Variants in NRXN2 observed in about 807,000 individuals in gnomAD.
NRXN2 encodes the protein neurexin-2-beta.
A neutral mutation model predicts 128.8 loss-of-function variants in NRXN2; 29 were observed. The observed-to-expected ratio is 0.23, with a 90% CI of 0.17 to 0.31. The LOEUF (loss-of-function observed/expected upper bound fraction) is 0.31. Among genes scored for constraint, NRXN2 ranks in the 10% least tolerant of loss-of-function variants. The pLI is 1.00. For synonymous variants in NRXN2, 1,098 were observed against 1,075.2 expected, an observed-to-expected ratio of 1.02 and a Z score of -0.41; for missense variants, 1,881 against 2,452.6, an observed-to-expected ratio of 0.77 and a Z score of 4.92.
chr11:64,626,387 G>A, intron 20 of NRXN2, 76 bp downstream of exon 20: 1 of 1,223,056 alleles, frequency 8.2e-7, no homozygotes, highest in Non-Finnish European at 1.2e-6. Flanking sequence ...GCACGGAGGG[G>A]GAAAGAGAGA....
At chr11:64,615,830 GT>G in intron 22 of NRXN2, among the ~76,000 whole-genome samples, 1 of 61,216 alleles carries the variant, frequency 1.6e-5, no homozygotes, top group Non-Finnish European at 4.1e-5. Flanking sequence ...AGGCCCAAGC[GT>G]GTGTGTGTGT....
In NRXN2 at chr11:64,635,519, G is replaced by A; in HGVS notation, c.3404-67C>T. ...GGAGGACGAGGTCAGCAGGTCCTCA[G>A]GGTTGTGACCAGAGGGATGGAACCC... On this transcript the variant is annotated intron_variant, in intron 17 of 22. Coordinates refer to ENST00000265459, the MANE Select transcript of NRXN2 (RefSeq NM_015080.4). This position sits in a 1 kb window ranked among gnomAD's most constrained non-coding sequence, Gnocchi z 4.8. 3 of 1,551,606 alleles carry A rather than the reference G, an allele frequency of 1.9e-6. No individual in the cohort carries two copies. The highest frequency in any genetic ancestry group is 2.6e-6 in the Non-Finnish European group (3 of 1,134,380).
intron 5 of NRXN2, 77 bp downstream of exon 5, chr11:64,690,328 G>T: frequency 2.2e-6 from 3 of 1,334,044 alleles, no homozygotes; most frequent in South Asian, 1.2e-5. Context: ...GCGTTGACTT[G>T]GCTTCCCCCC....
intron 17 of NRXN2, among the ~76,000 whole-genome samples, chr11:64,639,629 T>G (rs2045351823): frequency 6.6e-6 from 1 of 151,560 alleles, no homozygotes. Context: ...CAGACAGACA[T>G]CAGGTACAGG....
chr11:64,664,269 G>A (rs1370117090), intron 9 of NRXN2, among the ~76,000 whole-genome samples: 1 of 151,740 alleles, frequency 6.6e-6, no homozygotes, highest in Non-Finnish European at 1.5e-5. Flanking sequence ...TTGAGGTCAG[G>A]AGTTCAAGAC....
chr11:64,700,834 G>C (rs1436099589), intron 2 of NRXN2, among the ~76,000 whole-genome samples: 1 of 152,148 alleles, frequency 6.6e-6, no homozygotes, highest in Admixed American at 6.5e-5. Context: ...CTGTCTCTGA[G>C]TGTCTCATGG....
intron 3 of NRXN2, among the ~76,000 whole-genome samples, chr11:64,693,826 CT>C (rs1200297957): frequency 2.6e-5 from 4 of 152,160 alleles, no homozygotes; most frequent in Non-Finnish European, 5.9e-5. Flanking sequence ...GGAAGCCCAG[CT>C]CTCTGAAAGG....
At chr11:64,676,909 G>A (rs905518041) in intron 7 of NRXN2, 84 bp downstream of exon 7, 2 of 1,125,192 alleles carry the variant, frequency 1.8e-6, no homozygotes, top group African/African-American at 1.5e-5. Context: ...AACCAAACAG[G>A]GAGAGGAAAC....
In NRXN2 at chr11:64,607,489, C is replaced by A; in HGVS notation, c.4846G>T (p.Gly1616Trp). Reference protein sequence around the residue: ...FPHLPTANPTGPGERGPPGAV... With the variant: ...FPHLPTANPTWPGERGPPGAV... The stretch of plus-strand genomic sequence containing the variant: ...CCCGGCGGGCCCCGCTCCCCAGGCC[C>A]TGTGGGGTTGGCTGTGGGCAGATGG... Residue 1616 changes from glycine (G) to tryptophan (W), a missense_variant, in exon 23 of 23, where the codon GGG (glycine) becomes TGG (tryptophan). Coordinates refer to ENST00000265459, the MANE Select transcript of NRXN2 (RefSeq NM_015080.4). The A allele has an allele frequency of 6.2e-7, 1 of 1,603,124 alleles. No homozygotes were observed. The highest frequency in any genetic ancestry group is 8.5e-7 in the Non-Finnish European group (1 of 1,177,058).
intron 17 of NRXN2, among the ~76,000 whole-genome samples, chr11:64,641,002 A>G (rs1232493148): frequency 1.3e-5 from 2 of 152,094 alleles, no homozygotes; most frequent in African/African-American, 4.8e-5. Context: ...AGAAACAGGA[A>G]GTGATGAGGG....
At chr11:64,610,100 C>A (rs2040388322) in intron 22 of NRXN2, among the ~76,000 whole-genome samples, 1 of 152,134 alleles carries the variant, frequency 6.6e-6, no homozygotes, top group Non-Finnish European at 1.5e-5. Context: ...TGTCCTTGGC[C>A]ACGCCAGCCA....
rs184103431 is a variant in NRXN2 at position 64,641,231 on chromosome 11, G to A, written c.3404-5779C>T. On this transcript the variant is annotated intron_variant, in intron 17 of 22. Transcript: ENST00000265459. Reference sequence around the variant, plus strand: ...GTGAGGTGTTGAGAGCACAGGGATGGGATGAGATGGGACAGGATGGGATGG... The same window carrying A: ...GTGAGGTGTTGAGAGCACAGGGATGAGATGAGATGGGACAGGATGGGATGG... 2.8e-3 allele frequency among the ~76,000 whole-genome samples: 420 copies of A among 152,158 alleles called. 2 individuals are homozygous for A. Among genetic ancestry groups the A allele is most frequent in the Non-Finnish European group, 3.8e-3 (258 of 67,992 alleles).
At chr11:64,710,784 T>C (rs1273458282) in intron 2 of NRXN2, among the ~76,000 whole-genome samples, 4 of 152,126 alleles carry the variant, frequency 2.6e-5, no homozygotes, top group African/African-American at 7.2e-5. Context: ...TGGGAACTAC[T>C]CACTCTACTA....
intron 19 of NRXN2, among the ~76,000 whole-genome samples, chr11:64,627,936 A>G (rs1271941473): frequency 6.6e-6 from 1 of 152,154 alleles, no homozygotes; most frequent in African/African-American, 2.4e-5. Flanking sequence ...CCATGAAGGT[A>G]CACACGATGT....
intron 6 of NRXN2, among the ~76,000 whole-genome samples, chr11:64,683,386 A>G (rs1372594352): frequency 6.6e-6 from 1 of 152,166 alleles, no homozygotes; most frequent in East Asian, 1.9e-4. Flanking sequence ...TTGGGAGGCC[A>G]AGGCAGGAGG....
In NRXN2 at chr11:64,685,814, C is replaced by T. The variant is rs2052958279; in HGVS notation, c.984G>A (p.Leu328=). 1 of 1,614,262 alleles carries T rather than the reference C, an allele frequency of 6.2e-7. No homozygotes were observed. The highest frequency in any genetic ancestry group is 1.3e-5 in the African/African-American group (1 of 75,068). Residue 328 remains leucine, a synonymous_variant, in exon 6 of 23, where the codon CTG becomes CTA. Coordinates refer to ENST00000265459, the MANE Select transcript of NRXN2 (RefSeq NM_015080.4). ...CGTAGTCGGCCGACTTGCCTGTATG[C>T]AGCATCAGGCCGTTGCGTTGCAGGG... ...FRTLQRNGLM[L]HTGKSADYVN...
intron 22 of NRXN2, among the ~76,000 whole-genome samples, chr11:64,613,239 C>A (rs527827976): frequency 1.3e-3 from 202 of 152,346 alleles, no homozygotes; most frequent in African/African-American, 4.6e-3. Flanking sequence ...TGAGCATGAG[C>A]GTGTGCATGT....
chr11:64,698,517 T>C (rs2054857592), intron 2 of NRXN2, among the ~76,000 whole-genome samples: 1 of 152,234 alleles, frequency 6.6e-6, no homozygotes, highest in South Asian at 2.1e-4. Flanking sequence ...GGATAGTTTC[T>C]GAGGCCTCTT....
At chr11:64,687,647 C>A (rs2053242102) in intron 5 of NRXN2, among the ~76,000 whole-genome samples, 1 of 151,830 alleles carries the variant, frequency 6.6e-6, no homozygotes, top group Admixed American at 6.6e-5. Context: ...GGAAGAGTGG[C>A]AAGGAGGAGG....
Sources: allele counts gnomAD v4.1 joint callset (sites outside exome capture counted in the v4.1 genomes callset), GRCh38; gene constraint gnomAD v4.1.1; non-coding constraint Gnocchi (gnomAD v3.1); transcripts MANE v1.5; gene names NCBI Gene and HGNC (gene_info 2026-07-23, HGNC 2026-07-21).